Variants in TMEM178B observed in about 807,000 individuals in gnomAD.
TMEM178B encodes transmembrane protein 178B.
A neutral mutation model predicts 31.0 loss-of-function variants in TMEM178B; 5 were observed. The observed-to-expected ratio is 0.16, with a 90% confidence interval of 0.08 to 0.34. TMEM178B has a LOEUF of 0.34. Ranked by LOEUF, TMEM178B falls within the 10% of genes least tolerant of loss-of-function variation. The probability of loss-of-function intolerance (pLI) is 1.00; values close to 1 mark genes in which losing one functional copy is unlikely to be tolerated. For synonymous variants in TMEM178B, 164 were observed against 164.0 expected (o/e 1.00, Z 0.00); for missense variants, 275 against 400.3 (o/e 0.69, Z 2.67).
At chr7:141,364,941 T>C (rs1799979242) in intron 2 of TMEM178B, among the ~76,000 whole-genome samples, 2 of 152,218 alleles carry the variant, frequency 1.3e-5, no homozygotes, top group Non-Finnish European at 1.5e-5. Flanking sequence ...TTCAATAAAA[T>C]CTGGAAGTCC....
intron 2 of TMEM178B, among the ~76,000 whole-genome samples, chr7:141,232,331 G>A (rs1379933425): frequency 1.3e-5 from 2 of 152,178 alleles, no homozygotes; most frequent in Non-Finnish European, 2.9e-5. Flanking sequence ...ATTTAGTAAT[G>A]TGATTGTTGG....
intron 2 of TMEM178B, among the ~76,000 whole-genome samples, chr7:141,335,070 G>T (rs1038667507): frequency 6.6e-6 from 1 of 152,196 alleles, no homozygotes; most frequent in African/African-American, 2.4e-5. Context: ...GATATAAACA[G>T]CTTGGTTAGT....
the TMEM178B span, among the ~76,000 whole-genome samples, chr7:141,508,757 T>A: frequency 6.6e-6 from 1 of 152,258 alleles, no homozygotes; most frequent in South Asian, 2.1e-4. Context: ...TTCACTATCA[T>A]GAGAATCGCA....
intron 2 of TMEM178B, among the ~76,000 whole-genome samples, chr7:141,411,757 T>A (rs1282470794): frequency 6.6e-6 from 1 of 152,212 alleles, no homozygotes; most frequent in Admixed American, 6.5e-5. Flanking sequence ...ACTCGCTAAT[T>A]GAACTTCATT....
At chr7:141,415,110 G>C (rs112923252) in intron 2 of TMEM178B, 1 of 152,346 alleles carries the variant, frequency 6.6e-6, no homozygotes, top group Non-Finnish European at 1.5e-5. Context: ...AGGGAAGAGA[G>C]AAAGGAGATT....
At chr7:141,430,861 C>T (rs767614791) in intron 2 of TMEM178B, among the ~76,000 whole-genome samples, 3 of 152,154 alleles carry the variant, frequency 2.0e-5, no homozygotes, top group Non-Finnish European at 2.9e-5. Flanking sequence ...TTCCCGTGAC[C>T]TTGATTTTTA....
intron 3 of TMEM178B, among the ~76,000 whole-genome samples, chr7:141,456,869 C>T (rs1801973339): frequency 6.6e-6 from 1 of 152,226 alleles, no homozygotes; most frequent in African/African-American, 2.4e-5. Context: ...ATGCTCCTTA[C>T]TGCACAGCTG....
chr7:141,437,417 G>A (rs1471404156), intron 2 of TMEM178B, among the ~76,000 whole-genome samples, 191 bp from the exon 3 acceptor site: 2 of 152,198 alleles, frequency 1.3e-5, no homozygotes, highest in African/African-American at 4.8e-5. Flanking sequence ...GCCTGTTTGT[G>A]CACACAAGGA....
chr7:141,075,550 T>C (rs1794588213), intron 1 of TMEM178B, among the ~76,000 whole-genome samples: 1 of 152,246 alleles, frequency 6.6e-6, no homozygotes, highest in Admixed American at 6.5e-5. Context: ...TTGTAAACCT[T>C]GTATGATTTA....
chr7:141,366,376 C>T (rs1412258178), intron 2 of TMEM178B, among the ~76,000 whole-genome samples: 1 of 152,204 alleles, frequency 6.6e-6, no homozygotes, highest in Non-Finnish European at 1.5e-5. Flanking sequence ...AGGGTCACGA[C>T]AAATTTGTTT....
chr7:141,184,822 T>C (rs1796583161), intron 1 of TMEM178B, among the ~76,000 whole-genome samples: 1 of 152,202 alleles, frequency 6.6e-6, no homozygotes. Context: ...AATATTTTCC[T>C]GGCCGACTCA....
At chr7:141,162,389 C>T (rs1055042395) in intron 1 of TMEM178B, among the ~76,000 whole-genome samples, 18 of 152,164 alleles carry the variant, frequency 1.2e-4, no homozygotes, top group African/African-American at 3.9e-4. Flanking sequence ...TTGCTGGTTC[C>T]GGATGCTGCC....
chr7:141,173,224 C>T (rs900400107), intron 1 of TMEM178B: 5 of 152,080 alleles, frequency 3.3e-5, no homozygotes, highest in African/African-American at 1.2e-4. Flanking sequence ...TTTGCCTTTC[C>T]CCTTAAGGAA....
intron 2 of TMEM178B, among the ~76,000 whole-genome samples, chr7:141,368,957 G>A (rs1458405420): frequency 6.6e-6 from 1 of 152,192 alleles, no homozygotes; most frequent in Admixed American, 6.5e-5. Flanking sequence ...TTGACTTGGT[G>A]GGAAAGACTG....
At position 141,360,023 on chromosome 7, in the gene TMEM178B, C is replaced by T. The variant is rs537309058; in HGVS notation, c.497-77585C>T. On this transcript the variant is annotated intron_variant, in intron 2 of 3. Coordinates refer to ENST00000565468, the MANE Select transcript of TMEM178B (RefSeq NM_001195278.2). ...CCGCCTTCATGATTCAATTATCTCCCACCGGGTTCCTCCCACAACACATGG... is the reference window on the plus strand; with the variant it reads ...CCGCCTTCATGATTCAATTATCTCCTACCGGGTTCCTCCCACAACACATGG... 6.6e-5 allele frequency among the ~76,000 whole-genome samples: 10 copies of T among 152,294 alleles called. No homozygotes were observed. In the East Asian group the frequency reaches 1.9e-3, roughly 29 times the overall value.
At chr7:141,135,125 A>G (rs1465420957) in intron 1 of TMEM178B, among the ~76,000 whole-genome samples, 1 of 152,234 alleles carries the variant, frequency 6.6e-6, no homozygotes, top group Non-Finnish European at 1.5e-5. Context: ...TGTGAAAAAG[A>G]GACAAAGAAG....
chr7:141,074,135 C>A lies in TMEM178B; in HGVS notation c.-176C>A, dbSNP rs933924358. The A allele has an allele frequency of 7.6e-6, 7 of 918,568 alleles. No individual in the cohort carries two copies. The Admixed American group carries it at 1.8e-4, about 24-fold the overall frequency. The allele number at this position is 918,568 out of a possible 1,614,324, so 56.9% of individuals were successfully genotyped here. On this transcript the variant is annotated 5_prime_UTR_variant, in exon 1 of 4. Transcript: ENST00000565468. The surrounding 1 kb of genome is among the most constrained non-coding windows in gnomAD (Gnocchi z 5.1). ...CAGAACTTTTTAGGCCGCCCGCCCC[C>A]ATCCCCGCAGTCCCCGGGCCGTGCT... is the stretch of plus-strand genomic sequence containing the variant.
intron 1 of TMEM178B, among the ~76,000 whole-genome samples, chr7:141,161,077 G>A (rs1796163360): frequency 6.6e-6 from 1 of 152,044 alleles, no homozygotes; most frequent in Non-Finnish European, 1.5e-5. Flanking sequence ...GGCTGGTCTT[G>A]AACTCCTGAC....
intron 2 of TMEM178B, among the ~76,000 whole-genome samples, chr7:141,281,910 C>G (rs556489742): frequency 2.9e-4 from 44 of 151,926 alleles, no homozygotes; most frequent in South Asian, 8.3e-4. Context: ...GGATGTTATT[C>G]TGGAGGTGAA....
Sources: allele counts gnomAD v4.1 joint callset (sites outside exome capture counted in the v4.1 genomes callset), GRCh38; gene constraint gnomAD v4.1.1; non-coding constraint Gnocchi (gnomAD v3.1); transcripts MANE v1.5; gene names NCBI Gene and HGNC (gene_info 2026-07-23, HGNC 2026-07-21).